PPCDC: variants seen among roughly 807,000 people sequenced by gnomAD.
The protein encoded by PPCDC is phosphopantothenoylcysteine decarboxylase.
A neutral mutation model predicts 20.7 loss-of-function variants in PPCDC; 20 were observed. The observed-to-expected ratio is 0.97, with a 90% CI of 0.68 to 1.41. The LOEUF (loss-of-function observed/expected upper bound fraction) is 1.41, where lower values mean the gene tolerates loss of function less well. Among genes scored for constraint, PPCDC ranks in the 40% most tolerant of loss-of-function variants. PPCDC has a pLI of 0.00. For synonymous variants in PPCDC, 88 were observed against 100.3 expected (o/e 0.88, Z 0.73); for missense variants, 246 against 263.8 (o/e 0.93, Z 0.47).
intron 2 of PPCDC, among the ~76,000 whole-genome samples, chr15:75,039,774 TC>T (rs200208740): frequency 0.025 from 3,678 of 149,040 alleles, 121 homozygotes; most frequent in East Asian, 0.17. Context: ...AGAATTTACT[TC>T]TTTTCTTTCT....
chr15:75,044,076 CTT>C (rs56694743), intron 3 of PPCDC, among the ~76,000 whole-genome samples: 36,965 of 146,640 alleles, frequency 0.25, 5,011 homozygotes, highest in Non-Finnish European at 0.31. Context: ...TTTCCACTGG[CTT>C]GGACAACCCA....
intron 1 of PPCDC, among the ~76,000 whole-genome samples, chr15:75,026,679 C>T (rs1028900098): frequency 6.6e-6 from 1 of 152,226 alleles, no homozygotes; most frequent in Non-Finnish European, 1.5e-5. Context: ...GACAACTCAC[C>T]AGCGCTGCTT....
intron 4 of PPCDC, 23 bp downstream of exon 4, chr15:75,044,537 C>T (rs369170251): frequency 5.6e-5 from 90 of 1,609,390 alleles, no homozygotes; most frequent in Admixed American, 1.2e-4. Context: ...CTGGTGCCCT[C>T]GTCCGTCCCT....
intron 2 of PPCDC, among the ~76,000 whole-genome samples, chr15:75,036,373 A>G (rs1567054196): frequency 6.6e-6 from 1 of 152,224 alleles, no homozygotes; most frequent in Admixed American, 6.5e-5. Context: ...AGATCAAGTG[A>G]CATCCCTCTA....
chr15:75,044,745 T>C, intron 4 of PPCDC: 1 of 494,258 alleles, frequency 2.0e-6, no homozygotes, highest in Non-Finnish European at 3.5e-6. Flanking sequence ...CCCAGGAGTG[T>C]CCCCCTCTCC....
intron 2 of PPCDC, among the ~76,000 whole-genome samples, chr15:75,036,107 A>G (rs1400418029): frequency 1.3e-5 from 2 of 152,172 alleles, no homozygotes; most frequent in Non-Finnish European, 2.9e-5. Flanking sequence ...AGGACCCACA[A>G]AGGTGTAAGA....
intron 2 of PPCDC, among the ~76,000 whole-genome samples, chr15:75,038,301 C>T (rs896670088): frequency 2.6e-5 from 4 of 152,126 alleles, no homozygotes; most frequent in African/African-American, 9.7e-5. Flanking sequence ...TGACTTTGTT[C>T]TGTTCATAAT....
chr15:75,040,738 C>T (rs2066143219), intron 2 of PPCDC, among the ~76,000 whole-genome samples: 2 of 152,204 alleles, frequency 1.3e-5, no homozygotes, highest in East Asian at 1.9e-4. Context: ...CTGCTCACTG[C>T]AGCCTCTGCC....
chr15:75,042,508 C>G (rs1003327598), intron 2 of PPCDC, among the ~76,000 whole-genome samples: 4 of 152,034 alleles, frequency 2.6e-5, no homozygotes, highest in African/African-American at 9.7e-5. Context: ...CAAAAATTAG[C>G]CAGGCGTGGT....
Position 75,043,550 on chromosome 15 carries a change from C to A in PPCDC, c.231+14C>A. On this transcript the variant is annotated intron_variant, in intron 3 of 5. Transcript: ENST00000342932. ...GATGAATGGGAGGTCAGTGCTGGGG[C>A]CCCTGGGCTGAGTTCCATTGAGTTT... 1.3e-6 allele frequency: 2 copies of A among 1,590,614 alleles called. No homozygotes were observed. Among genetic ancestry groups the A allele is most frequent in the Non-Finnish European group, 1.7e-6 (2 of 1,164,786 alleles).
rs1180821634 is a variant in PPCDC at position 75,050,279 on chromosome 15, G to A, written c.*1044G>A. The A allele has an allele frequency of 1.3e-5, 2 of 152,250 alleles. No homozygotes were observed. Among genetic ancestry groups the A allele is most frequent in the Admixed American group, 1.3e-4 (2 of 15,270 alleles). 9.4% of individuals were successfully genotyped at this position (152,250 alleles called of 1,614,324 possible). A position where few individuals can be genotyped will look rare whatever the true frequency, so the allele number is the denominator to read the frequency against. ...GTCCCAGGCCTCTTGCCTGCTTCTT[G>A]GTTTCCTCTGTTCTCATCCTTTCAG... On this transcript the variant is annotated 3_prime_UTR_variant, in exon 6 of 6. Coordinates refer to ENST00000342932, the MANE Select transcript of PPCDC (RefSeq NM_021823.5).
chr15:75,048,824 A>G (rs1251420551), intron 5 of PPCDC, 103 bp downstream of exon 5: 4 of 1,377,394 alleles, frequency 2.9e-6, no homozygotes, highest in African/African-American at 1.5e-5. Flanking sequence ...TTAGCAAACC[A>G]TTCTCTGAGC....
chr15:75,034,545 A>T (rs753996893), intron 2 of PPCDC, among the ~76,000 whole-genome samples: 24 of 152,160 alleles, frequency 1.6e-4, no homozygotes, highest in Non-Finnish European at 2.9e-4. Context: ...CCCGCGCCTC[A>T]TGTGCCAACC....
chr15:75,038,510 T>G (rs2066112193), intron 2 of PPCDC, among the ~76,000 whole-genome samples: 1 of 152,218 alleles, frequency 6.6e-6, no homozygotes, highest in Non-Finnish European at 1.5e-5. Flanking sequence ...CGCTTGTGGC[T>G]TAGTAGCAGC....
chr15:75,028,526 C>T (rs2065985008), intron 2 of PPCDC, 73 bp downstream of exon 2: 5 of 1,571,532 alleles, frequency 3.2e-6, no homozygotes, highest in Non-Finnish European at 4.4e-6. Flanking sequence ...TGGCCCATTG[C>T]TCTGCAGTAC....
chr15:75,038,330 G>A (rs1365078321), intron 2 of PPCDC, among the ~76,000 whole-genome samples: 2 of 152,112 alleles, frequency 1.3e-5, no homozygotes. Context: ...GTGTCTCTGG[G>A]GGCTACTGAT....
chr15:75,036,156 C>T (rs1372532651), intron 2 of PPCDC, among the ~76,000 whole-genome samples: 1 of 152,078 alleles, frequency 6.6e-6, no homozygotes, highest in Admixed American at 6.6e-5. Flanking sequence ...GGAGTTTCTG[C>T]CCTGCCAGGG....
intron 2 of PPCDC, among the ~76,000 whole-genome samples, chr15:75,039,328 T>C (rs1480455466): frequency 6.6e-6 from 1 of 152,210 alleles, no homozygotes; most frequent in South Asian, 2.1e-4. Context: ...TCCTGCCTGG[T>C]TGACCTTGCG....
intron 2 of PPCDC, among the ~76,000 whole-genome samples, chr15:75,038,868 CT>C (rs140106057): frequency 2.0e-5 from 3 of 150,678 alleles, no homozygotes; most frequent in Non-Finnish European, 3.0e-5. Context: ...GTTTCTTTAT[CT>C]TTTTTTTTCT....
Sources: allele counts gnomAD v4.1 joint callset (sites outside exome capture counted in the v4.1 genomes callset), GRCh38; gene constraint gnomAD v4.1.1; transcripts MANE v1.5; gene names NCBI Gene and HGNC (gene_info 2026-07-23, HGNC 2026-07-21).